The following GRM4 variants were observed in gnomAD, a reference collection of about 807,000 sequenced individuals.
The protein encoded by GRM4 is glutamate metabotropic receptor 4.
GRM4 carries 28 observed loss-of-function variants against 81.7 expected under a neutral mutation model. The ratio of observed to expected loss-of-function variants is 0.34; its 90% CI spans 0.25 to 0.47. The LOEUF is 0.47. Among genes scored for constraint, GRM4 ranks in the 20% least tolerant of loss-of-function variants. The probability of loss-of-function intolerance (pLI) is 1.00; values close to 1 mark genes in which losing one functional copy is unlikely to be tolerated. For synonymous variants in GRM4, 488 were observed against 528.8 expected (o/e 0.92, Z 1.06); for missense variants, 948 against 1,290.0 (o/e 0.73, Z 4.06).
At position 34,036,309 on chromosome 6, in the gene GRM4, C is replaced by T. The variant is rs752249010; in HGVS notation, c.1801G>A (p.Ala601Thr). Residue 601 changes from alanine to threonine, a missense_variant, in exon 9 of 11, where the codon GCC becomes ACC. Transcript: ENST00000538487. This position sits in a 1 kb window ranked among gnomAD's most constrained non-coding sequence, Gnocchi z 9.0. ...PLFLAVVGIA[A>T]TLFVVITFVR... Reference sequence around the variant, plus strand: ...AAGGTGATCACCACGAACAACGTGGCAGCGATGCCCACCACGGCCAGGAAG... The same window carrying T: ...AAGGTGATCACCACGAACAACGTGGTAGCGATGCCCACCACGGCCAGGAAG... 6.2e-7 allele frequency: 1 copy of T among 1,614,094 alleles called. No individual in the cohort carries two copies. Among genetic ancestry groups the T allele is most frequent in the Non-Finnish European group, 8.5e-7 (1 of 1,180,006 alleles).
At chr6:34,043,555 G>A (rs1765116529) in intron 6 of GRM4, among the ~76,000 whole-genome samples, 1 of 152,112 alleles carries the variant, frequency 6.6e-6, no homozygotes, top group Non-Finnish European at 1.5e-5. Context: ...GGGAGGCTAC[G>A]GCCGCTGCAG....
chr6:34,106,033 C>T (rs2499717), intron 2 of GRM4: 2,997 of 152,488 alleles, frequency 0.02, 50 homozygotes, highest in Middle Eastern at 0.064. Context: ...CTTGCCACTC[C>T]CACACACATG....
At chr6:34,044,801 T>C (rs960783406) in intron 6 of GRM4, among the ~76,000 whole-genome samples, 1 of 141,976 alleles carries the variant, frequency 7.0e-6, no homozygotes, top group Non-Finnish European at 1.5e-5. Context: ...CATACATACA[T>C]ACACATATAT....
intron 10 of GRM4, among the ~76,000 whole-genome samples, chr6:34,026,750 C>T (rs1371280306): frequency 6.6e-6 from 1 of 152,214 alleles, no homozygotes; most frequent in Non-Finnish European, 1.5e-5. Context: ...GGACCCTCTG[C>T]CCTGTCACAG....
In GRM4 at chr6:34,036,497, C is replaced by A; in HGVS notation, c.1613G>T (p.Cys538Phe). The change falls in exon 9 of 11, where the codon TGC becomes TTC. Residue 538 changes from cysteine (C) to phenylalanine (F), a missense_variant. Cys to Phe is a radical substitution (Grantham distance 205). Coordinates refer to ENST00000538487, the MANE Select transcript of GRM4 (RefSeq NM_000841.4). This position sits in a 1 kb window ranked among gnomAD's most constrained non-coding sequence, Gnocchi z 9.0. ...TGTGCAAGGCTCGCAGTGCCAGCAGCAAGGCATGCCCTTCACTGTCTTCTT... is the reference window on the plus strand; with the variant it reads ...TGTGCAAGGCTCGCAGTGCCAGCAGAAAGGCATGCCCTTCACTGTCTTCTT... ...ERKKTVKGMP[C>F]CWHCEPCTGY... is the part of the protein sequence containing the mutation. 6 of 1,613,054 alleles carry A rather than the reference C, an allele frequency of 3.7e-6. No individual in the cohort carries two copies. Among genetic ancestry groups the A allele is most frequent in the Non-Finnish European group, 5.1e-6 (6 of 1,179,626 alleles).
chr6:34,028,341 G>A lies in GRM4; in HGVS notation c.2468C>T (p.Thr823Met), dbSNP rs1000580962. Residue 823 changes from threonine to methionine, a missense_variant, in exon 10 of 11, where the codon ACG (threonine) becomes ATG (methionine). Coordinates refer to ENST00000538487, the MANE Select transcript of GRM4 (RefSeq NM_000841.4). ...CGAGGCGCTCAGACTCACCGAGACC[G>A]TCAGCGTCGTCGTCTGGATGTACAG... ...DKLYIQTTTL[T>M]VSVSLSASVS... is the part of the protein sequence containing the mutation. The A allele has an allele frequency of 3.7e-6, 6 of 1,611,150 alleles. No homozygotes were observed. In the African/African-American group the frequency reaches 4.0e-5, roughly 11 times the overall value.
chr6:34,136,377 G>C lies in GRM4; in HGVS notation c.-363-2518C>G, dbSNP rs1770454061. Among the ~76,000 whole-genome samples, 1 of 152,070 alleles carries C rather than the reference G, an allele frequency of 6.6e-6. No individual in the cohort carries two copies. Among genetic ancestry groups the C allele is most frequent in the African/African-American group, 2.4e-5 (1 of 41,410 alleles). ...GGTTTCCATGAATTTCAAACAGAGG[G>C]CTTTTTGGCATCATGACAGGCTGTG... On this transcript the variant is annotated intron_variant, in intron 1 of 10. Coordinates refer to ENST00000538487, the MANE Select transcript of GRM4 (RefSeq NM_000841.4). This position sits in a 1 kb window ranked among gnomAD's most constrained non-coding sequence, Gnocchi z 4.1.
At chr6:34,072,614 AC>A (rs1766990701) in intron 3 of GRM4, among the ~76,000 whole-genome samples, 218 of 16,582 alleles carry the variant, frequency 0.013, 1 homozygote, top group African/African-American at 0.02. Context: ...ACACACACAC[AC>A]ACATCACCGC....
At chr6:34,132,169 G>T (rs967748354) in intron 2 of GRM4, among the ~76,000 whole-genome samples, 1 of 152,190 alleles carries the variant, frequency 6.6e-6, no homozygotes, top group Admixed American at 6.5e-5. Flanking sequence ...GAAAGGAGGC[G>T]GCAAGGAGGG....
chr6:34,067,358 C>G (rs1766521123), intron 3 of GRM4, among the ~76,000 whole-genome samples: 1 of 151,460 alleles, frequency 6.6e-6, no homozygotes, highest in Admixed American at 6.6e-5. Context: ...CTCTTCCTTC[C>G]TCCTTCCTTC....
chr6:34,087,376 G>A (rs1303192601), intron 3 of GRM4, among the ~76,000 whole-genome samples: 2 of 142,744 alleles, frequency 1.4e-5, no homozygotes, highest in East Asian at 4.2e-4. Flanking sequence ...CTGAGATCAC[G>A]CCACTGCACT....
chr6:34,045,769 C>T (rs114370332), intron 6 of GRM4, among the ~76,000 whole-genome samples: 1,809 of 152,260 alleles, frequency 0.012, 16 homozygotes, highest in Non-Finnish European at 0.018. Context: ...GCAGGGGCAC[C>T]GCAGTTCTGG....
chr6:34,088,418 G>A (rs1298293746), intron 3 of GRM4, among the ~76,000 whole-genome samples: 4 of 152,098 alleles, frequency 2.6e-5, no homozygotes, highest in African/African-American at 4.8e-5. Context: ...CACCGTACCC[G>A]ACCACACATT....
In GRM4 at chr6:34,061,942, T is replaced by C. The variant is rs373483140; in HGVS notation, c.823A>G (p.Thr275Ala). ...ATGATGACTGCCCTGGCGTTCGAAG[T>C]CTCCAGGAGGCGGCGGATGATCTTG... ...FDKIIRRLLETSNARAVIIFA... is the reference protein window; with the variant it reads ...FDKIIRRLLEASNARAVIIFA... The change falls in exon 4 of 11, where the codon ACT becomes GCT. Residue 275 changes from threonine to alanine, a missense_variant. Thr to Ala is a moderately conservative substitution (Grantham distance 58). Transcript: ENST00000538487. 21 of 1,613,688 alleles carry C rather than the reference T, an allele frequency of 1.3e-5. No individual in the cohort carries two copies. The African/African-American group carries it at 2.4e-4, about 18-fold the overall frequency.
rs553696142 is a variant in GRM4 at position 34,095,930 on chromosome 6, G to A, written c.520-3831C>T. ...AACCTGGCCCATGTGGGGCTCTGAC[G>A]TCTCTTCAACTCCCACTGTCTGCGC... On this transcript the variant is annotated intron_variant, in intron 2 of 10. Coordinates refer to ENST00000538487, the MANE Select transcript of GRM4 (RefSeq NM_000841.4). Among the ~76,000 whole-genome samples the A allele has an allele frequency of 8.1e-4, 123 of 152,198 alleles. 1 individual carries two copies. Among genetic ancestry groups the A allele is most frequent in the Admixed American group, 1.6e-3 (24 of 15,280 alleles).
At chr6:34,044,031 T>TAC (rs150587975) in intron 6 of GRM4, among the ~76,000 whole-genome samples, 15 of 148,928 alleles carry the variant, frequency 1.0e-4, no homozygotes, top group African/African-American at 1.7e-4. Flanking sequence ...ACCACACACA[T>TAC]ACACACACAC....
chr6:34,093,606 G>A (rs564059966), intron 2 of GRM4, among the ~76,000 whole-genome samples: 1 of 152,300 alleles, frequency 6.6e-6, no homozygotes, highest in South Asian at 2.1e-4. Flanking sequence ...CTAGCAAGGG[G>A]TCTGTGTGGC....
intron 2 of GRM4, among the ~76,000 whole-genome samples, chr6:34,096,932 GTC>G (rs71849801): frequency 0.32 from 48,278 of 151,236 alleles, 9,736 homozygotes; most frequent in Non-Finnish European, 0.46. Flanking sequence ...GTGTGTGTGT[GTC>G]TGTGTGAGTG....
At chr6:34,100,075 C>T in intron 2 of GRM4, 1 of 982,664 alleles carries the variant, frequency 1.0e-6, no homozygotes, top group Non-Finnish European at 1.2e-6. Context: ...CTGCCCTGAG[C>T]ATCTGGTCAC....
Sources: gnomAD v4.1 joint callset for allele counts (sites outside exome capture counted in the v4.1 genomes callset) on GRCh38, gnomAD v4.1.1 for gene constraint, Gnocchi (gnomAD v3.1) non-coding constraint, MANE v1.5 for transcripts, NCBI Gene and HGNC (gene_info 2026-07-23, HGNC 2026-07-21) for gene names.